The following SRGAP2B variants were observed in gnomAD, a reference collection of about 807,000 sequenced individuals.
SRGAP2B encodes SLIT-ROBO Rho GTPase-activating protein 2B.
In SRGAP2B, 9 loss-of-function variants were observed where a neutral mutation model predicts 22.2. The ratio of observed to expected loss-of-function variants is 0.41; its 90% confidence interval spans 0.24 to 0.71. SRGAP2B has a LOEUF of 0.71. SRGAP2B is among the 30% of genes least tolerant of loss of function. The pLI is 0.35. For missense variants in SRGAP2B, 114 were observed against 235.8 expected, an observed-to-expected ratio of 0.48 and a Z score of 3.38; for synonymous variants, 36 against 87.4, an observed-to-expected ratio of 0.41 and a Z score of 3.28.
chr1:145,009,520 G>A lies in SRGAP2B; in HGVS notation c.68-14320C>T, dbSNP rs1213251527. ...GGAGAATGGCGTGAACCCGGGAGGC[G>A]GAGCTTGCAGTGAGCCGAGATCCCG... On this transcript the variant is annotated intron_variant, in intron 2 of 9. Transcript: ENST00000612199. Among the ~76,000 whole-genome samples the A allele has an allele frequency of 6.1e-5, 9 of 147,042 alleles. No homozygotes were observed. In the South Asian group the frequency reaches 1.1e-3, roughly 17 times the overall value.
intron 4 of SRGAP2B, among the ~76,000 whole-genome samples, chr1:144,924,679 C>G (rs1664523924): frequency 6.7e-6 from 1 of 150,070 alleles, no homozygotes; most frequent in East Asian, 1.9e-4. Context: ...TTGCAGTGAG[C>G]CAAGATCGCA....
Position 144,990,886 on chromosome 1 carries a change from C to T in SRGAP2B, c.260+4122G>A, listed in dbSNP as rs1205980082. On this transcript the variant is annotated intron_variant, in intron 3 of 9. Coordinates refer to ENST00000612199, the Ensembl canonical transcript of SRGAP2B. The stretch of plus-strand genomic sequence containing the variant: ...TCGCTGGGCCTTAGCTGCCTTCCCG[C>T]GGGGCAGGGCTCGGGACCTGCAGCC... Among the ~76,000 whole-genome samples, 324 of 151,442 alleles carry T rather than the reference C, an allele frequency of 2.1e-3. 25 individuals carry two copies. Among genetic ancestry groups the T allele is most frequent in the African/African-American group, 7.7e-3 (313 of 40,820 alleles).
At chr1:144,913,114 C>T (rs1476611156) in intron 5 of SRGAP2B, among the ~76,000 whole-genome samples, 3 of 146,538 alleles carry the variant, frequency 2.0e-5, no homozygotes, top group African/African-American at 7.9e-5. Flanking sequence ...TTTTAAAGCA[C>T]AGCATATGAA....
chr1:145,067,006 A>G (rs1464991891), intron 2 of SRGAP2B, among the ~76,000 whole-genome samples: 2 of 148,794 alleles, frequency 1.3e-5, no homozygotes, highest in African/African-American at 2.6e-5. Flanking sequence ...TTAGGAAACG[A>G]GGCCGGGCAT....
intron 2 of SRGAP2B, among the ~76,000 whole-genome samples, chr1:144,999,226 G>C (rs1670944730): frequency 6.7e-6 from 1 of 150,324 alleles, no homozygotes. Context: ...GTCCTTGCCA[G>C]TTCCTTCCCT....
At chr1:144,970,592 A>G (rs1342135448) in intron 3 of SRGAP2B, among the ~76,000 whole-genome samples, 1 of 130,050 alleles carries the variant, frequency 7.7e-6, no homozygotes, top group African/African-American at 3.1e-5. Context: ...GCACATGTAT[A>G]CATATGTAAC....
At chr1:145,008,888 C>A (rs1391648651) in intron 2 of SRGAP2B, among the ~76,000 whole-genome samples, 1 of 149,308 alleles carries the variant, frequency 6.7e-6, no homozygotes, top group Non-Finnish European at 1.5e-5. Flanking sequence ...AAAAAACAGT[C>A]CAGCTGGGCG....
At chr1:144,923,331 G>C (rs1249892107) in intron 4 of SRGAP2B, among the ~76,000 whole-genome samples, 1 of 150,572 alleles carries the variant, frequency 6.6e-6, no homozygotes, top group Non-Finnish European at 1.5e-5. Context: ...ATAATGATTT[G>C]GCTGGGGGCG....
chr1:144,914,176 G>A (rs1553603373), intron 5 of SRGAP2B, among the ~76,000 whole-genome samples: 2 of 151,850 alleles, frequency 1.3e-5, no homozygotes. Flanking sequence ...CAGGAAGCCA[G>A]TGCAAAGCTC....
At chr1:144,984,365 C>CAAA (rs57268593) in intron 3 of SRGAP2B, among the ~76,000 whole-genome samples, 38,997 of 123,802 alleles carry the variant, frequency 0.31, 8,078 homozygotes, top group Non-Finnish European at 0.41. Context: ...ACAACAACAA[C>CAAA]AAAAAAAAAA....
In SRGAP2B at chr1:144,929,378, C is replaced by T. The variant is rs1384003549; in HGVS notation, c.424-14624G>A. ...TGGTGTCATATGTAAGAAATCATTG[C>T]CTAATCCAAGATCACGAAGACTTAC... is the stretch of plus-strand genomic sequence containing the variant. On this transcript the variant is annotated intron_variant, in intron 4 of 9. Coordinates refer to ENST00000612199, the Ensembl canonical transcript of SRGAP2B. Among the ~76,000 whole-genome samples, 8 of 149,800 alleles carry T rather than the reference C, an allele frequency of 5.3e-5. No homozygotes were observed. In the South Asian group the frequency reaches 1.0e-3, roughly 20 times the overall value.
At chr1:144,933,436 G>C (rs1373131669) in intron 4 of SRGAP2B, among the ~76,000 whole-genome samples, 4 of 145,922 alleles carry the variant, frequency 2.7e-5, no homozygotes, top group African/African-American at 1.0e-4. Flanking sequence ...ATAGATTTTG[G>C]AGCAAAAAGC....
At chr1:145,089,222 A>G (rs1438388003) in intron 2 of SRGAP2B, among the ~76,000 whole-genome samples, 1 of 150,814 alleles carries the variant, frequency 6.6e-6, no homozygotes, top group African/African-American at 2.5e-5. Flanking sequence ...AATTGGAAAG[A>G]GCTATGTAAA....
At chr1:144,917,389 G>A (rs1553348812) in intron 4 of SRGAP2B, 1 of 100,028 alleles carries the variant, frequency 1.0e-5, no homozygotes, top group Non-Finnish European at 1.9e-5. Flanking sequence ...ACTTCCCACC[G>A]CCCTGCCCTC....
intron 6 of SRGAP2B, among the ~76,000 whole-genome samples, chr1:144,905,499 T>C (rs1201353874): frequency 6.7e-6 from 1 of 149,152 alleles, no homozygotes; most frequent in Non-Finnish European, 1.5e-5. Flanking sequence ...CTGAAGGAGG[T>C]ACCACTACTC....
intron 3 of SRGAP2B, among the ~76,000 whole-genome samples, chr1:144,976,567 G>A (rs1444033133): frequency 2.8e-5 from 4 of 144,744 alleles, no homozygotes; most frequent in African/African-American, 1.1e-4. Context: ...AGCAACCGAG[G>A]CTCTCTGAAA....
intron 3 of SRGAP2B, among the ~76,000 whole-genome samples, chr1:144,975,633 A>T (rs1668841790): frequency 1.4e-5 from 2 of 146,754 alleles, no homozygotes; most frequent in Non-Finnish European, 3.0e-5. Flanking sequence ...CCACATTCTT[A>T]TACTCTCAAG....
At chr1:144,938,674 T>A in intron 4 of SRGAP2B, among the ~76,000 whole-genome samples, 1 of 139,578 alleles carries the variant, frequency 7.2e-6, no homozygotes, top group Non-Finnish European at 1.6e-5. Flanking sequence ...ATATATTATA[T>A]ATTTACTTTT....
chr1:145,090,024 C>A lies in SRGAP2B; in HGVS notation c.67+2811G>T, dbSNP rs1653823718. ...AGAACCAAGATTTAAACCTGAATCACTTTGACTCTAAAAATTGCACTTAAC... is the reference window on the plus strand; with the variant it reads ...AGAACCAAGATTTAAACCTGAATCAATTTGACTCTAAAAATTGCACTTAAC... On this transcript the variant is annotated intron_variant, in intron 2 of 9. Transcript: ENST00000612199. 3.4e-5 allele frequency among the ~76,000 whole-genome samples: 5 copies of A among 146,394 alleles called. No individual in the cohort carries two copies. In the South Asian group the frequency reaches 1.1e-3, roughly 31 times the overall value.
Sources: gnomAD v4.1 joint callset for allele counts (sites outside exome capture counted in the v4.1 genomes callset) on GRCh38, gnomAD v4.1.1 for gene constraint, MANE v1.5 for transcripts, NCBI Gene and HGNC (gene_info 2026-07-23, HGNC 2026-07-21) for gene names.